C10orf71: variants seen among roughly 807,000 people sequenced by gnomAD.
The protein encoded by C10orf71 is cardiac-enriched FHL2-interacting protein.
For synonymous variants in C10orf71, 758 were observed against 726.3 expected (o/e 1.04, Z -0.70); for missense variants, 1,869 against 1,804.5 (o/e 1.04, Z -0.65).
Position 49,322,744 on chromosome 10 carries a change from T to C in C10orf71, c.199T>C (p.Phe67Leu), listed in dbSNP as rs1244610062. The C allele has an allele frequency of 1.9e-6, 3 of 1,613,744 alleles. No individual in the cohort carries two copies. The highest frequency in any genetic ancestry group is 2.5e-6 in the Non-Finnish European group (3 of 1,179,712). Residue 67 changes from phenylalanine to leucine, a missense_variant, in exon 3 of 3, where the codon TTT becomes CTT. Transcript: ENST00000374144. The part of the protein sequence containing the change: ...PDITRQVFGT[F>L]HQRTVGHTQR... ...TATCACCCGACAGGTGTTTGGGACTTTTCACCAGAGAACAGTGGGCCACAC... is the reference window on the plus strand; with the variant it reads ...TATCACCCGACAGGTGTTTGGGACTCTTCACCAGAGAACAGTGGGCCACAC...
intron 1 of C10orf71, among the ~76,000 whole-genome samples, chr10:49,301,809 T>G (rs972366053): frequency 6.6e-6 from 1 of 152,202 alleles, no homozygotes. Flanking sequence ...CTCTCCAGAC[T>G]TAGGGACCTC....
At chr10:49,315,951 G>T (rs902264752) in intron 1 of C10orf71, among the ~76,000 whole-genome samples, 194 bp from the exon 2 acceptor site, 1 of 152,208 alleles carries the variant, frequency 6.6e-6, no homozygotes, top group Non-Finnish European at 1.5e-5. Context: ...AGCTACTTGG[G>T]TGGCTGAGGA....
chr10:49,304,465 G>A (rs565193182), intron 1 of C10orf71, among the ~76,000 whole-genome samples: 6 of 152,326 alleles, frequency 3.9e-5, no homozygotes, highest in Admixed American at 2.6e-4. Context: ...TTGCAGGAGC[G>A]CCGTCAACAG....
chr10:49,301,022 A>G (rs959944405), intron 1 of C10orf71, among the ~76,000 whole-genome samples: 3 of 152,114 alleles, frequency 2.0e-5, no homozygotes, highest in Non-Finnish European at 4.4e-5. Flanking sequence ...TCCTGACCCT[A>G]AGGAAGCCCT....
In C10orf71 at chr10:49,323,686, T is replaced by C. The variant is rs769959614; in HGVS notation, c.1141T>C (p.Trp381Arg). ...DSQEKPAQPPWRKPKTGKKGK... is the reference protein window; with the variant it reads ...DSQEKPAQPPRRKPKTGKKGK... ...TCAAGAGAAGCCAGCCCAGCCCCCATGGAGGAAGCCAAAGACTGGCAAAAA... is the reference window on the plus strand; with the variant it reads ...TCAAGAGAAGCCAGCCCAGCCCCCACGGAGGAAGCCAAAGACTGGCAAAAA... The change falls in exon 3 of 3, where the codon TGG becomes CGG. Residue 381 changes from tryptophan (W) to arginine (R), a missense_variant. Trp to Arg is a moderately radical substitution (Grantham distance 101). Coordinates refer to ENST00000374144, the MANE Select transcript of C10orf71 (RefSeq NM_001135196.2). The C allele has an allele frequency of 3.7e-6, 6 of 1,613,358 alleles. No individual in the cohort carries two copies. The highest frequency in any genetic ancestry group is 2.7e-5 in the African/African-American group (2 of 74,698).
In C10orf71 at chr10:49,304,440, A is replaced by T. The variant is rs1353398570; in HGVS notation, c.-248+5207A>T. 2.0e-5 allele frequency among the ~76,000 whole-genome samples: 3 copies of T among 152,234 alleles called. No individual in the cohort carries two copies. The East Asian group carries it at 5.8e-4, about 29-fold the overall frequency. Reference sequence around the variant, plus strand: ...ACCCACTGAGTGAGGCCATGGATACAGAGTGAGGGACAGGTTGCAGGAGCG... The same window carrying T: ...ACCCACTGAGTGAGGCCATGGATACTGAGTGAGGGACAGGTTGCAGGAGCG... On this transcript the variant is annotated intron_variant, in intron 1 of 2. Coordinates refer to ENST00000374144, the MANE Select transcript of C10orf71 (RefSeq NM_001135196.2).
intron 1 of C10orf71, among the ~76,000 whole-genome samples, chr10:49,311,473 T>A (rs1403872913): frequency 6.6e-6 from 1 of 152,072 alleles, no homozygotes; most frequent in Non-Finnish European, 1.5e-5. Flanking sequence ...CATCCCAGGG[T>A]CCAAGAAGTA....
Position 49,325,666 on chromosome 10 carries a change from G to T in C10orf71, c.3121G>T (p.Ala1041Ser). The T allele has an allele frequency of 6.4e-7, 1 of 1,552,098 alleles. No homozygotes were observed. The highest frequency in any genetic ancestry group is 8.7e-7 in the Non-Finnish European group (1 of 1,147,080). Reference protein sequence around the residue: ...FKSHFLSTPRAGPPGRRLVPS... With the variant: ...FKSHFLSTPRSGPPGRRLVPS... ...GAGTCACTTTTTGTCCACACCCAGA[G>T]CAGGGCCCCCTGGCAGAAGACTGGT... Residue 1041 changes from alanine to serine, a missense_variant, in exon 3 of 3, where the codon GCA (alanine) becomes TCA (serine). Coordinates refer to ENST00000374144, the MANE Select transcript of C10orf71 (RefSeq NM_001135196.2).
chr10:49,308,612 T>C (rs943255336), intron 1 of C10orf71, among the ~76,000 whole-genome samples: 4 of 152,264 alleles, frequency 2.6e-5, no homozygotes, highest in African/African-American at 9.6e-5. Context: ...TCAGAGGTAA[T>C]TGTGCTTTTA....
rs779754617 is a variant in C10orf71, at chr10:49,323,368, A to G, written c.823A>G (p.Ser275Gly). ...GKGTFLHSEN[S>G]AFESWNAHQP... ...AGGTACCTTTCTGCACAGTGAAAAT[A>G]GTGCTTTTGAGTCATGGAATGCCCA... The change falls in exon 3 of 3, where the codon AGT (serine) becomes GGT (glycine). Residue 275 changes from serine (S) to glycine (G), a missense_variant. Transcript: ENST00000374144. 2 of 1,613,992 alleles carry G rather than the reference A, an allele frequency of 1.2e-6. No homozygotes were observed. The highest frequency in any genetic ancestry group is 2.2e-5 in the South Asian group (2 of 91,082).
Position 49,325,103 on chromosome 10 carries a change from T to A in C10orf71, c.2558T>A (p.Met853Lys). 1.3e-6 allele frequency: 2 copies of A among 1,551,976 alleles called. No homozygotes were observed. Among genetic ancestry groups the A allele is most frequent in the African/African-American group, 2.7e-5 (2 of 73,148 alleles). Residue 853 changes from methionine to lysine, a missense_variant, in exon 3 of 3, where the codon ATG (methionine) becomes AAG (lysine). Physicochemically the swap from Met to Lys is moderately conservative, Grantham distance 95. Coordinates refer to ENST00000374144, the MANE Select transcript of C10orf71 (RefSeq NM_001135196.2). ...CCATCTTCTGCTTCAAACAGGCACA[T>A]GCTGTTTACGATTAAAGACAACACC... ...PSPSSASNRH[M>K]LFTIKDNTLR...
chr10:49,307,968 A>T (rs557162923), intron 1 of C10orf71, among the ~76,000 whole-genome samples: 3 of 152,268 alleles, frequency 2.0e-5, no homozygotes, highest in African/African-American at 7.2e-5. Flanking sequence ...CCTGGCCTCA[A>T]CTGTAGGCAC....
upstream of C10orf71, among the ~76,000 whole-genome samples, chr10:49,297,803 C>A (rs1451823593): frequency 6.6e-6 from 1 of 152,174 alleles, no homozygotes; most frequent in African/African-American, 2.4e-5. Flanking sequence ...GACCTTTTGG[C>A]ATGCGTTTGT....
Position 49,324,686 on chromosome 10 carries a change from G to A in C10orf71, c.2141G>A (p.Ser714Asn), listed in dbSNP as rs755451999. 2.2e-5 allele frequency: 36 copies of A among 1,609,686 alleles called. No homozygotes were observed. Among genetic ancestry groups the A allele is most frequent in the South Asian group, 3.3e-5 (3 of 90,434 alleles). Residue 714 changes from serine to asparagine, a missense_variant, in exon 3 of 3, where the codon AGC becomes AAC. Coordinates refer to ENST00000374144, the MANE Select transcript of C10orf71 (RefSeq NM_001135196.2). ...GAGGAAGATGTGTTTTACAGTGACA[G>A]CCAATCCGATTTTATGCCAAGCCTC... The part of the protein sequence containing the change: ...PEEEDVFYSD[S>N]QSDFMPSLKG...
intron 1 of C10orf71, among the ~76,000 whole-genome samples, chr10:49,303,257 G>A (rs977973559): frequency 3.3e-5 from 5 of 152,116 alleles, no homozygotes; most frequent in East Asian, 3.9e-4. Context: ...CCTCTTGTGC[G>A]GAAGAGGTCA....
In C10orf71 at chr10:49,307,601, C is replaced by A. The variant is rs925918034; in HGVS notation, c.-248+8368C>A. 2.3e-4 allele frequency among the ~76,000 whole-genome samples: 35 copies of A among 152,168 alleles called. 1 individual carries two copies. Among genetic ancestry groups the A allele is most frequent in the Non-Finnish European group, 4.4e-5 (3 of 67,970 alleles). On this transcript the variant is annotated intron_variant, in intron 1 of 2. Transcript: ENST00000374144. ...CGGAGCCTGCTGGGATGCAGAGGCG[C>A]ACCAGAGCCCCCTGCACCCTGCAAG...
Position 49,325,638 on chromosome 10 carries a change from C to T in C10orf71, c.3093C>T (p.Phe1031=). The change falls in exon 3 of 3, where the codon TTC becomes TTT. Residue 1031 remains phenylalanine (F), a synonymous_variant. Coordinates refer to ENST00000374144, the MANE Select transcript of C10orf71 (RefSeq NM_001135196.2). Reference sequence around the variant, plus strand: ...GTTGGGAAGAGCAAACACCAGGTTTCAAGAGTCACTTTTTGTCCACACCCA... The same window carrying T: ...GTTGGGAAGAGCAAACACCAGGTTTTAAGAGTCACTTTTTGTCCACACCCA... ...ENCWEEQTPG[F]KSHFLSTPRA... 6.4e-7 allele frequency: 1 copy of T among 1,552,122 alleles called. No homozygotes were observed. The highest frequency in any genetic ancestry group is 1.2e-5 in the South Asian group (1 of 84,064).
intron 1 of C10orf71, among the ~76,000 whole-genome samples, chr10:49,311,267 G>T (rs1163200716): frequency 1.3e-5 from 2 of 152,228 alleles, no homozygotes; most frequent in Non-Finnish European, 2.9e-5. Flanking sequence ...GGCTTGGCAT[G>T]TAGGAGTTGT....
At chr10:49,308,695 A>G (rs1025378882) in intron 1 of C10orf71, among the ~76,000 whole-genome samples, 4 of 152,226 alleles carry the variant, frequency 2.6e-5, no homozygotes, top group Non-Finnish European at 5.9e-5. Flanking sequence ...ACATGGCTAT[A>G]TCTCCAGCAC....
Sources: gnomAD v4.1 joint callset for allele counts (sites outside exome capture counted in the v4.1 genomes callset) on GRCh38, gnomAD v4.1.1 for gene constraint, MANE v1.5 for transcripts, NCBI Gene and HGNC (gene_info 2026-07-23, HGNC 2026-07-21) for gene names.